The following COL24A1 variants were observed in gnomAD, a reference collection of about 807,000 sequenced individuals.
The protein encoded by COL24A1 is collagen alpha-1(XXIV) chain.
In COL24A1, 224 loss-of-function variants were observed where a neutral mutation model predicts 253.9. The observed-to-expected ratio is 0.88, with a 90% CI of 0.79 to 0.99. The LOEUF is 0.99. Ranked by LOEUF, COL24A1 falls within the 50% of genes least tolerant of loss-of-function variation. COL24A1 has a pLI of 0.00. For missense variants in COL24A1, 2,131 were observed against 2,068.5 expected (o/e 1.03, Z -0.59); for synonymous variants, 685 against 673.7 (o/e 1.02, Z -0.26).
In COL24A1 at chr1:86,062,251, T is replaced by C. The variant is rs628386; in HGVS notation, c.1752+1464A>G. On this transcript the variant is annotated intron_variant, in intron 8 of 59. Coordinates refer to ENST00000370571, the MANE Select transcript of COL24A1 (RefSeq NM_152890.7). Reference sequence around the variant, plus strand: ...TAATATAATTGCCTTTCCAAATGTTTGCTGAACAATTTGAAGATATTTACA... The same window carrying C: ...TAATATAATTGCCTTTCCAAATGTTCGCTGAACAATTTGAAGATATTTACA... Among the ~76,000 whole-genome samples, 1,066 of 152,214 alleles carry C rather than the reference T, an allele frequency of 7.0e-3. 16 individuals are homozygous for C. Among genetic ancestry groups the C allele is most frequent in the African/African-American group, 0.024 (1,013 of 41,562 alleles).
At chr1:86,033,734 G>A (rs1698772119) in intron 13 of COL24A1, 136 bp downstream of exon 13, 2 of 689,676 alleles carry the variant, frequency 2.9e-6, no homozygotes, top group Admixed American at 8.0e-5. Flanking sequence ...ATCACAAACT[G>A]GAATGTGCAC....
intron 18 of COL24A1, among the ~76,000 whole-genome samples, chr1:86,017,858 T>C (rs1370984377): frequency 1.3e-5 from 2 of 152,232 alleles, no homozygotes; most frequent in Non-Finnish European, 2.9e-5. Flanking sequence ...CCCTTTCTGC[T>C]TTCCTGGCTC....
rs187042082 is a variant in COL24A1 at position 85,768,166 on chromosome 1, G to T, written c.4375-6600C>A. Among the ~76,000 whole-genome samples the T allele has an allele frequency of 1.0e-3, 155 of 152,242 alleles. 1 individual carries two copies. The highest frequency in any genetic ancestry group is 3.3e-3 in the African/African-American group (137 of 41,538). Reference sequence around the variant, plus strand: ...AAAGAATTTCCTAGGTTAAAAAAAGGCATATTCCTAAGAATAGAAAGGAGG... The same window carrying T: ...AAAGAATTTCCTAGGTTAAAAAAAGTCATATTCCTAAGAATAGAAAGGAGG... On this transcript the variant is annotated intron_variant, in intron 53 of 59. Coordinates refer to ENST00000370571, the MANE Select transcript of COL24A1 (RefSeq NM_152890.7).
intron 55 of COL24A1, among the ~76,000 whole-genome samples, chr1:85,755,705 C>A (rs886791082): frequency 6.6e-6 from 1 of 152,036 alleles, no homozygotes; most frequent in African/African-American, 2.4e-5. Context: ...CCTTAACTTA[C>A]ATCAAGTACA....
chr1:85,978,799 C>A (rs774403611), intron 20 of COL24A1, among the ~76,000 whole-genome samples: 3 of 152,110 alleles, frequency 2.0e-5, no homozygotes, highest in Admixed American at 1.3e-4. Flanking sequence ...AGAAAGTCAA[C>A]AAAGAAAGTG....
chr1:86,145,409 C>G (rs748938064), intron 2 of COL24A1, among the ~76,000 whole-genome samples: 1 of 151,992 alleles, frequency 6.6e-6, no homozygotes, highest in African/African-American at 2.4e-5. Context: ...CAGCACAGTT[C>G]TAGGATTTGT....
At chr1:85,763,382 C>CA in intron 53 of COL24A1, among the ~76,000 whole-genome samples, 1 of 151,974 alleles carries the variant, frequency 6.6e-6, no homozygotes, top group South Asian at 2.1e-4. Context: ...CACGCCACTG[C>CA]ACTCCAGCCT....
At chr1:86,055,430 A>T (rs769250950) in intron 10 of COL24A1, among the ~76,000 whole-genome samples, 10 of 152,260 alleles carry the variant, frequency 6.6e-5, no homozygotes, top group Non-Finnish European at 1.3e-4. Context: ...TACAGCCTAG[A>T]AAACAATTTT....
intron 20 of COL24A1, among the ~76,000 whole-genome samples, chr1:85,985,907 A>C (rs1693684029): frequency 1.3e-5 from 2 of 151,782 alleles, no homozygotes; most frequent in Admixed American, 1.3e-4. Flanking sequence ...TGCTCAATTA[A>C]ATGTGAAATT....
chr1:85,779,618 GGTTC>G (rs1668951912), intron 52 of COL24A1, among the ~76,000 whole-genome samples: 3 of 152,148 alleles, frequency 2.0e-5, no homozygotes, highest in Non-Finnish European at 2.9e-5. Context: ...AAAGTACTTT[GGTTC>G]AGGGTTCCTA....
At chr1:86,118,269 T>C (rs1706344861) in intron 3 of COL24A1, among the ~76,000 whole-genome samples, 2 of 152,188 alleles carry the variant, frequency 1.3e-5, no homozygotes, top group African/African-American at 4.8e-5. Context: ...TTCACCATGT[T>C]GGTCAGGCTG....
chr1:85,999,713 C>G (rs146553558), intron 19 of COL24A1, among the ~76,000 whole-genome samples: 13 of 151,950 alleles, frequency 8.6e-5, no homozygotes, highest in African/African-American at 3.1e-4. Flanking sequence ...AAGACTCTAT[C>G]TCCTTGTAGA....
intron 52 of COL24A1, among the ~76,000 whole-genome samples, chr1:85,778,041 C>T (rs1425547951): frequency 6.6e-6 from 1 of 151,834 alleles, no homozygotes; most frequent in Non-Finnish European, 1.5e-5. Flanking sequence ...ATCTATCTAT[C>T]TATCTATCTA....
intron 57 of COL24A1, among the ~76,000 whole-genome samples, chr1:85,739,485 T>G (rs1230232728): frequency 6.6e-6 from 1 of 152,180 alleles, no homozygotes; most frequent in East Asian, 1.9e-4. Flanking sequence ...GCCTCTACAG[T>G]GTTGTGCCCG....
intron 5 of COL24A1, among the ~76,000 whole-genome samples, chr1:86,098,272 A>G (rs1045068618): frequency 6.6e-6 from 1 of 152,134 alleles, no homozygotes; most frequent in Non-Finnish European, 1.5e-5. Context: ...GAAAATTAAA[A>G]GAAAGAAGGA....
intron 32 of COL24A1, among the ~76,000 whole-genome samples, chr1:85,882,113 G>A (rs1681914996): frequency 6.6e-6 from 1 of 152,102 alleles, no homozygotes; most frequent in African/African-American, 2.4e-5. Flanking sequence ...ATCTCCAAAT[G>A]TTTTGGGATT....
chr1:85,989,831 T>C (rs1475169954), intron 19 of COL24A1, among the ~76,000 whole-genome samples: 1 of 152,190 alleles, frequency 6.6e-6, no homozygotes, highest in African/African-American at 2.4e-5. Context: ...ACACTTATGT[T>C]TTAACTAGAC....
intron 7 of COL24A1, among the ~76,000 whole-genome samples, chr1:86,072,711 C>CGACAGACA (rs975542607): frequency 6.6e-6 from 1 of 152,098 alleles, no homozygotes; most frequent in Non-Finnish European, 1.5e-5. Context: ...CAGCAGGGGT[C>CGACAGACA]GACAGACACC....
At chr1:85,830,439 G>T (rs1027186356) in intron 43 of COL24A1, among the ~76,000 whole-genome samples, 2 of 152,138 alleles carry the variant, frequency 1.3e-5, no homozygotes, top group Non-Finnish European at 2.9e-5. Flanking sequence ...TTGAGCTGTG[G>T]TGGGCTCCAC....
Sources: allele counts gnomAD v4.1 joint callset (sites outside exome capture counted in the v4.1 genomes callset), GRCh38; gene constraint gnomAD v4.1.1; transcripts MANE v1.5; gene names NCBI Gene and HGNC (gene_info 2026-07-23, HGNC 2026-07-21).